The following FNDC3B variants were observed in gnomAD, a reference collection of about 807,000 sequenced individuals.
FNDC3B encodes the protein fibronectin type III domain-containing protein 3B.
In FNDC3B, 12 loss-of-function variants were observed where a neutral mutation model predicts 151.5. The ratio of observed to expected loss-of-function variants is 0.08; its 90% confidence interval spans 0.05 to 0.13. The LOEUF is 0.13. Ranked by LOEUF, FNDC3B falls within the 10% of genes least tolerant of loss-of-function variation. FNDC3B has a pLI of 1.00. For synonymous variants in FNDC3B, 528 were observed against 549.0 expected, an observed-to-expected ratio of 0.96 and a Z score of 0.54; for missense variants, 1,214 against 1,505.3, an observed-to-expected ratio of 0.81 and a Z score of 3.20.
At chr3:172,258,880 CT>C (rs1269908270) in intron 6 of FNDC3B, among the ~76,000 whole-genome samples, 2 of 152,190 alleles carry the variant, frequency 1.3e-5, no homozygotes, top group African/African-American at 4.8e-5. Context: ...CAGATTTCCT[CT>C]TTCTCTTGTA....
intron 1 of FNDC3B, among the ~76,000 whole-genome samples, chr3:172,041,421 CCT>C (rs1576809548): frequency 0.036 from 1,632 of 45,134 alleles, 15 homozygotes; most frequent in East Asian, 0.078. Flanking sequence ...CTCCTTCCTT[CCT>C]TCCTTCCTTC....
intron 25 of FNDC3B, among the ~76,000 whole-genome samples, chr3:172,393,434 A>G (rs1736121332): frequency 6.6e-6 from 1 of 152,222 alleles, no homozygotes; most frequent in Non-Finnish European, 1.5e-5. Flanking sequence ...GGAGACTTTA[A>G]TACTCTACAG....
intron 1 of FNDC3B, among the ~76,000 whole-genome samples, chr3:172,052,562 T>C (rs891443963): frequency 2.0e-5 from 3 of 152,198 alleles, no homozygotes; most frequent in Non-Finnish European, 2.9e-5. Flanking sequence ...GGAAAGAACT[T>C]GAGGAGAATG....
At position 172,401,399 on chromosome 3, in the gene FNDC3B, A is replaced by G. The variant is rs1284911426; in HGVS notation, c.*3924A>G. ...ATGTTTCAAAAGAAGCTAAATATCCAGATTTCCTCCATGGGCCAACTAAAA... is the reference window on the plus strand; with the variant it reads ...ATGTTTCAAAAGAAGCTAAATATCCGGATTTCCTCCATGGGCCAACTAAAA... On this transcript the variant is annotated 3_prime_UTR_variant, in exon 26 of 26. Transcript: ENST00000415807. The G allele has an allele frequency of 6.6e-6, 1 of 152,170 alleles. No individual in the cohort carries two copies. The highest frequency in any genetic ancestry group is 1.5e-5 in the Non-Finnish European group (1 of 68,050). The allele number at this position is 152,170 out of a possible 1,614,324, so 9.4% of individuals were successfully genotyped here.
At chr3:172,124,303 C>A (rs1257862964) in intron 2 of FNDC3B, among the ~76,000 whole-genome samples, 2 of 152,210 alleles carry the variant, frequency 1.3e-5, no homozygotes, top group East Asian at 3.8e-4. Context: ...ATTGGCCAGT[C>A]TGGTCTCGAA....
Position 172,386,670 on chromosome 3 carries a change from A to G in FNDC3B, c.3303+5577A>G, listed in dbSNP as rs28529137. Among the ~76,000 whole-genome samples, 5 of 151,240 alleles carry G rather than the reference A, an allele frequency of 3.3e-5. No individual in the cohort carries two copies. The East Asian group carries it at 7.9e-4, about 24-fold the overall frequency. ...GGCAGGAGAATGGCATGAACCTGGA[A>G]GCAGAGCTTGCAGTGAGCCGAGATC... On this transcript the variant is annotated intron_variant, in intron 25 of 25. Coordinates refer to ENST00000415807, the MANE Select transcript of FNDC3B (RefSeq NM_022763.4).
At chr3:172,369,172 A>G (rs1734766788) in intron 23 of FNDC3B, among the ~76,000 whole-genome samples, 2 of 152,216 alleles carry the variant, frequency 1.3e-5, no homozygotes, top group South Asian at 4.1e-4. Context: ...CCAGAAATAG[A>G]AGGCAGATTA....
At chr3:172,348,561 T>G (rs1373481477) in intron 21 of FNDC3B, among the ~76,000 whole-genome samples, 1 of 152,210 alleles carries the variant, frequency 6.6e-6, no homozygotes, top group Non-Finnish European at 1.5e-5. Flanking sequence ...AGGATATAAA[T>G]AAAGAGCTGT....
At chr3:172,164,040 A>AT (rs1722900579) in intron 3 of FNDC3B, among the ~76,000 whole-genome samples, 1 of 152,104 alleles carries the variant, frequency 6.6e-6, no homozygotes, top group South Asian at 2.1e-4. Flanking sequence ...GCAGTTATAG[A>AT]TTTTTTTATT....
At chr3:172,082,968 AT>A (rs1421913161) in intron 1 of FNDC3B, among the ~76,000 whole-genome samples, 2 of 152,190 alleles carry the variant, frequency 1.3e-5, no homozygotes, top group Non-Finnish European at 2.9e-5. Flanking sequence ...ATGTCTGTAT[AT>A]ATGTTTGTGT....
At chr3:172,133,322 C>G in intron 2 of FNDC3B, 149 bp from the exon 3 acceptor site, 1 of 622,310 alleles carries the variant, frequency 1.6e-6, no homozygotes. Flanking sequence ...TACCCCCATG[C>G]CCCCAATTAA....
chr3:172,088,114 G>A (rs1039942954), intron 1 of FNDC3B, among the ~76,000 whole-genome samples: 2 of 152,110 alleles, frequency 1.3e-5, no homozygotes, highest in African/African-American at 4.8e-5. Flanking sequence ...ATCATTCAAG[G>A]TGTGACCTAA....
At position 172,359,008 on chromosome 3, in the gene FNDC3B, G is replaced by GTGA. The variant is rs1294037508; in HGVS notation, c.2796-3623_2796-3622insATG. Among the ~76,000 whole-genome samples the GTGA allele has an allele frequency of 2.4e-3, 292 of 120,732 alleles. 2 individuals carry two copies. Among genetic ancestry groups the GTGA allele is most frequent in the African/African-American group, 7.3e-3 (257 of 35,348 alleles). 79.2% of individuals were successfully genotyped at this position (120,732 alleles called of 152,430 possible). A position where few individuals can be genotyped will look rare whatever the true frequency, so the allele number is the denominator to read the frequency against. On this transcript the variant is annotated intron_variant, in intron 22 of 25. Transcript: ENST00000415807. Reference sequence around the variant, plus strand: ...GGTGGTGGTGGTGGTGGTGGTGGTGGTGGTGGTGGTGATGGTGGCGGTGGT... The same window carrying GTGA: ...GGTGGTGGTGGTGGTGGTGGTGGTGGTGATGGTGGTGGTGATGGTGGCGGTGGT...
chr3:172,319,015 A>G (rs544928114), intron 11 of FNDC3B, among the ~76,000 whole-genome samples: 1 of 152,338 alleles, frequency 6.6e-6, no homozygotes, highest in South Asian at 2.1e-4. Context: ...AGAGATCCAC[A>G]CACCTGTAGC....
intron 19 of FNDC3B, among the ~76,000 whole-genome samples, chr3:172,345,284 C>T (rs968818577): frequency 1.2e-4 from 18 of 152,082 alleles, no homozygotes; most frequent in African/African-American, 3.4e-4. Flanking sequence ...ATCATGTAAG[C>T]GAAAAGAAGA....
chr3:172,302,043 A>T (rs1730936138), intron 9 of FNDC3B: 1 of 152,106 alleles, frequency 6.6e-6, no homozygotes. Context: ...AAAGTGTAAG[A>T]TTTCTGTCTT....
intron 1 of FNDC3B, among the ~76,000 whole-genome samples, chr3:172,068,853 C>A (rs1450276677): frequency 6.6e-6 from 1 of 152,164 alleles, no homozygotes; most frequent in Non-Finnish European, 1.5e-5. Flanking sequence ...TCATTTAATC[C>A]TCACAGTGTC....
intron 3 of FNDC3B, among the ~76,000 whole-genome samples, chr3:172,212,948 G>T (rs542154029): frequency 2.0e-5 from 3 of 152,180 alleles, no homozygotes; most frequent in African/African-American, 7.2e-5. Flanking sequence ...CACGAGGACA[G>T]TTGGAAAACA....
At chr3:172,285,842 G>A in intron 6 of FNDC3B, 84 bp from the exon 7 acceptor site, 1 of 958,948 alleles carries the variant, frequency 1.0e-6, no homozygotes. Flanking sequence ...GATAACTCCA[G>A]TTAAAAGGCC....
Sources: allele counts gnomAD v4.1 joint callset (sites outside exome capture counted in the v4.1 genomes callset), GRCh38; gene constraint gnomAD v4.1.1; transcripts MANE v1.5; gene names NCBI Gene and HGNC (gene_info 2026-07-23, HGNC 2026-07-21).